APH1A: variants seen among roughly 807,000 people sequenced by gnomAD.
APH1A encodes aph-1A gamma-secretase subunit.
In APH1A, 16 loss-of-function variants were observed where a neutral mutation model predicts 30.3. The observed-to-expected ratio is 0.53, with a 90% confidence interval of 0.36 to 0.80. APH1A has a LOEUF of 0.80. Ranked by LOEUF, APH1A falls within the 30% of genes least tolerant of loss-of-function variation. The probability of loss-of-function intolerance (pLI) is 0.01; values close to 1 mark genes in which losing one functional copy is unlikely to be tolerated. For synonymous variants in APH1A, 144 were observed against 140.1 expected, an observed-to-expected ratio of 1.03 and a Z score of -0.20; for missense variants, 245 against 337.8, an observed-to-expected ratio of 0.73 and a Z score of 2.15.
At chr1:150,267,286 G>C in intron 4 of APH1A, 70 bp downstream of exon 4, 1 of 1,612,846 alleles carries the variant, frequency 6.2e-7, no homozygotes, top group African/African-American at 1.3e-5. Flanking sequence ...GTCTCTCAGG[G>C]AAGGCCAATA....
Position 150,266,029 on chromosome 1 carries a change from C to G in APH1A, c.*101G>C. The G allele has an allele frequency of 7.1e-7, 1 of 1,414,888 alleles. No homozygotes were observed. Among genetic ancestry groups the G allele is most frequent in the South Asian group, 1.4e-5 (1 of 71,176 alleles). 87.6% of individuals were successfully genotyped at this position (1,414,888 alleles called of 1,614,324 possible). ...CCAGGGCAATGGCTAAACTAGGTCCCTTTTCTTGGCAACCTGCACTGTCCA... is the reference window on the plus strand; with the variant it reads ...CCAGGGCAATGGCTAAACTAGGTCCGTTTTCTTGGCAACCTGCACTGTCCA... On this transcript the variant is annotated 3_prime_UTR_variant, in exon 7 of 7. Transcript: ENST00000369109.
chr1:150,267,672 G>A, intron 3 of APH1A, 44 bp downstream of exon 3: 2 of 1,593,928 alleles, frequency 1.3e-6, no homozygotes, highest in Admixed American at 1.8e-5. Context: ...CCTAGAGGAG[G>A]GGGCTGTCCA....
intron 6 of APH1A, 109 bp from the exon 7 acceptor site, chr1:150,266,303 G>C: frequency 6.7e-7 from 1 of 1,502,820 alleles, no homozygotes; most frequent in Non-Finnish European, 8.9e-7. Flanking sequence ...GATAAGTGCA[G>C]ATTCAAACCC....
Position 150,268,879 on chromosome 1 carries a change from G to A in APH1A, c.-69C>T. ...GCAAATGGGAGGGGCGCGCCAGCTG[G>A]GGAGTCCGCGTGGGGTGGCAACGCG... On this transcript the variant is annotated 5_prime_UTR_variant, in exon 1 of 7. Coordinates refer to ENST00000369109, the MANE Select transcript of APH1A (RefSeq NM_001077628.3). 7.0e-7 allele frequency: 1 copy of A among 1,428,320 alleles called. No individual in the cohort carries two copies. The highest frequency in any genetic ancestry group is 2.5e-5 in the East Asian group (1 of 40,762). 88.5% of individuals were successfully genotyped at this position (1,428,320 alleles called of 1,614,324 possible). A position where few individuals can be genotyped will look rare whatever the true frequency, so the allele number is the denominator to read the frequency against.
chr1:150,268,769 G>C lies in APH1A; in HGVS notation c.42C>G (p.Phe14Leu). ...AVFFGCTFVA[F>L]GPAFALFLIT... ...TCAAGAAAAGCGCGAAGGCCGGGCC[G>C]AACGCGACGAAAGTGCAGCCGAAAA... Residue 14 changes from phenylalanine to leucine, a missense_variant, in exon 1 of 7, where the codon TTC becomes TTG. By Grantham distance (22) the Phe-to-Leu change is conservative. Transcript: ENST00000369109. 1 of 1,613,778 alleles carries C rather than the reference G, an allele frequency of 6.2e-7. No homozygotes were observed. The highest frequency in any genetic ancestry group is 1.6e-4 in the Middle Eastern group (1 of 6,062).
intron 5 of APH1A, 162 bp from the exon 6 acceptor site, chr1:150,266,818 G>T: frequency 9.3e-7 from 1 of 1,075,650 alleles, no homozygotes; most frequent in Non-Finnish European, 1.3e-6. Context: ...TTGATTTTCA[G>T]CTCCTCAGAA....
chr1:150,268,608 T>G lies in APH1A; in HGVS notation c.113+90A>C, dbSNP rs782685605. 42 of 1,319,816 alleles carry G rather than the reference T, an allele frequency of 3.2e-5. 2 individuals are homozygous for G. In the African/African-American group the frequency reaches 3.5e-4, roughly 11 times the overall value. 81.8% of individuals were successfully genotyped at this position (1,319,816 alleles called of 1,614,324 possible). Reference sequence around the variant, plus strand: ...TTCACCTCCGACTTATCGTCCCCAATTCAGGCTCCCAGGCTTGCCCCAGTT... The same window carrying G: ...TTCACCTCCGACTTATCGTCCCCAAGTCAGGCTCCCAGGCTTGCCCCAGTT... On this transcript the variant is annotated intron_variant, in intron 1 of 6. Coordinates refer to ENST00000369109, the MANE Select transcript of APH1A (RefSeq NM_001077628.3).
At chr1:150,266,459 G>A (rs1553849901) in intron 6 of APH1A, 74 bp downstream of exon 6, 2 of 1,602,038 alleles carry the variant, frequency 1.2e-6, no homozygotes, top group East Asian at 4.5e-5. Flanking sequence ...CCGGGCTGGG[G>A]CTGGGCTCAG....
Position 150,266,084 on chromosome 1 carries a change from G to A in APH1A, c.*46C>T. 6.4e-7 allele frequency: 1 copy of A among 1,555,392 alleles called. No homozygotes were observed. The highest frequency in any genetic ancestry group is 8.7e-7 in the Non-Finnish European group (1 of 1,148,664). On this transcript the variant is annotated 3_prime_UTR_variant, in exon 7 of 7. Coordinates refer to ENST00000369109, the MANE Select transcript of APH1A (RefSeq NM_001077628.3). ...TGGAGATGGAGAAATACAGGGCGAG[G>A]ACATCAGGAGGGCACCCCAGGCCCA...
At position 150,268,563 on chromosome 1, in the gene APH1A, C is replaced by A. The variant is rs1651945274; in HGVS notation, c.113+135G>T. The A allele has an allele frequency of 1.8e-5, 15 of 843,794 alleles. No individual in the cohort carries two copies. The South Asian group carries it at 2.3e-4, about 13-fold the overall frequency. 52.3% of individuals were successfully genotyped at this position (843,794 alleles called of 1,614,324 possible). On this transcript the variant is annotated intron_variant, in intron 1 of 6. Transcript: ENST00000369109. ...GAAAGGACAAATCTCCCAGACCCAA[C>A]CCCTCACCTCCGCCCAAACTTCACC...
intron 6 of APH1A, 49 bp downstream of exon 6, chr1:150,266,484 C>T (rs1553849917): frequency 3.1e-6 from 5 of 1,611,822 alleles, no homozygotes; most frequent in South Asian, 1.1e-5. Flanking sequence ...GGGCAGTGGA[C>T]AGGCAGGTGG....
rs1553850171 is a variant in APH1A at position 150,267,490 on chromosome 1, G to A, written c.359-12C>T. 4 of 1,613,680 alleles carry A rather than the reference G, an allele frequency of 2.5e-6. No homozygotes were observed. The highest frequency in any genetic ancestry group is 3.4e-6 in the Non-Finnish European group (4 of 1,179,846). On this transcript the variant is annotated splice_polypyrimidine_tract_variant and intron_variant, in intron 3 of 6. Coordinates refer to ENST00000369109, the MANE Select transcript of APH1A (RefSeq NM_001077628.3). ...GGAGAGACCAGAAACTGGGGGAAGG[G>A]AGGATCTCATCAATGTCAGAGATCA... is the stretch of plus-strand genomic sequence containing the variant.
rs907623872 is a variant in APH1A at position 150,268,068 on chromosome 1, T to C, written c.173A>G (p.His58Arg). 6.2e-7 allele frequency: 1 copy of C among 1,613,998 alleles called. No homozygotes were observed. The change falls in exon 2 of 7, where the codon CAT (histidine) becomes CGT (arginine). Residue 58 changes from histidine (H) to arginine (R), a missense_variant. Physicochemically the swap from His to Arg is conservative, Grantham distance 29. Coordinates refer to ENST00000369109, the MANE Select transcript of APH1A (RefSeq NM_001077628.3). ...LASVVWFILV[H>R]VTDRSDARLQ... ...CCGGGCATCTGACCGGTCGGTCACATGGACCAAGATGAACCAGACCACAGA... is the reference window on the plus strand; with the variant it reads ...CCGGGCATCTGACCGGTCGGTCACACGGACCAAGATGAACCAGACCACAGA...
In APH1A at chr1:150,267,981, C is replaced by T; in HGVS notation, c.260G>A (p.Arg87His). Residue 87 changes from arginine (R) to histidine (H), a missense_variant, in exon 2 of 7, where the codon CGC (arginine) becomes CAC (histidine). Coordinates refer to ENST00000369109, the MANE Select transcript of APH1A (RefSeq NM_001077628.3). ...CTTAAGCAGCTTGTAGTAGGCAAAG[C>T]GGAACACCTCCTGTAGAAGGACAGA... ...AVSVLLQEVF[R>H]FAYYKLLKKA... 1 of 1,614,146 alleles carries T rather than the reference C, an allele frequency of 6.2e-7. No individual in the cohort carries two copies. The highest frequency in any genetic ancestry group is 1.1e-5 in the South Asian group (1 of 91,084).
rs200730753 is a variant in APH1A, at chr1:150,268,099, G to A, written c.142C>T (p.Leu48=). 10 of 1,614,004 alleles carry A rather than the reference G, an allele frequency of 6.2e-6. No homozygotes were observed. The highest frequency in any genetic ancestry group is 8.5e-6 in the Non-Finnish European group (10 of 1,180,006). ...GAFFWLVSLL[L]ASVVWFILVH... is the part of the protein sequence containing the mutation. ...AAGATGAACCAGACCACAGAGGCCA[G>A]GAGCAGGGAGACCAGCCAGAAAAAT... The change falls in exon 2 of 7, where the codon CTG becomes TTG. Residue 48 remains leucine, a synonymous_variant. Coordinates refer to ENST00000369109, the MANE Select transcript of APH1A (RefSeq NM_001077628.3).
At chr1:150,266,424 G>C (rs201312925) in intron 6 of APH1A, 109 bp downstream of exon 6, 32 of 1,569,354 alleles carry the variant, frequency 2.0e-5, no homozygotes, top group African/African-American at 4.1e-5. Context: ...CGACGAGAAG[G>C]AGACAGAGAA....
chr1:150,268,700 T>A lies in APH1A; in HGVS notation c.111A>T (p.Ala37=). ...GDPLRVIILV[A]GAFFWLVSLL... ...CGTCTCCCGGGCCCTCTACTCACCC[T>A]GCGACCAGGATGATAACGCGAAGCG... is the stretch of plus-strand genomic sequence containing the variant. Residue 37 remains alanine (A), a splice_region_variant and synonymous_variant, in exon 1 of 7, where the codon GCA becomes GCT. Transcript: ENST00000369109. 6.2e-7 allele frequency: 1 copy of A among 1,611,006 alleles called. No individual in the cohort carries two copies. The highest frequency in any genetic ancestry group is 1.1e-5 in the South Asian group (1 of 90,612).
intron 6 of APH1A, 56 bp from the exon 7 acceptor site, chr1:150,266,250 A>AACAC (rs1553849855): frequency 6.4e-7 from 1 of 1,559,552 alleles, no homozygotes; most frequent in African/African-American, 1.4e-5. Flanking sequence ...GCACTGACAC[A>AACAC]GGGGGAGTCC....
At chr1:150,268,652 C>A in intron 1 of APH1A, 46 bp downstream of exon 1, 1 of 1,562,074 alleles carries the variant, frequency 6.4e-7, no homozygotes, top group South Asian at 1.2e-5. Context: ...CCCTTCCGCA[C>A]CTCTCTCTTC....
Sources: allele counts gnomAD v4.1 joint callset, GRCh38; gene constraint gnomAD v4.1.1; transcripts MANE v1.5; gene names NCBI Gene and HGNC (gene_info 2026-07-23, HGNC 2026-07-21).